RAD21: variants seen among roughly 807,000 people sequenced by gnomAD.
RAD21 encodes RAD21 cohesin complex component, also known as double-strand-break repair protein rad21 homolog.
Under a neutral mutation model 71.5 loss-of-function variants are expected in RAD21, and 18 were observed. That is an observed-to-expected ratio of 0.25 (90% CI 0.17 to 0.37). The LOEUF (loss-of-function observed/expected upper bound fraction) is 0.37. RAD21 is among the 10% of genes least tolerant of loss of function. The probability of loss-of-function intolerance (pLI) is 1.00; values close to 1 mark genes in which losing one functional copy is unlikely to be tolerated. For synonymous variants in RAD21, 248 were observed against 254.0 expected, an observed-to-expected ratio of 0.98 and a Z score of 0.22; for missense variants, 493 against 769.1, an observed-to-expected ratio of 0.64 and a Z score of 4.25.
At chr8:116,861,670 G>C (rs527798051) in intron 4 of RAD21, among the ~76,000 whole-genome samples, 171 bp downstream of exon 4, 10 of 151,744 alleles carry the variant, frequency 6.6e-5, no homozygotes, top group Non-Finnish European at 1.5e-4. Flanking sequence ...TCTTACAGAA[G>C]AACAACTTTC....
In RAD21 at chr8:116,852,688, T is replaced by C; in HGVS notation, c.1182A>G (p.Thr394=). The C allele has an allele frequency of 6.3e-7, 1 of 1,584,978 alleles. No individual in the cohort carries two copies. Among genetic ancestry groups the C allele is most frequent in the African/African-American group, 1.4e-5 (1 of 73,020 alleles). ...RLLKLFTRCL[T]PLVPEDLRKR... ...TTCTAAGGTCTTCTGGTACAAGCGGTGTAAGACAGCGTGTAAAGAGCTATT... is the reference window on the plus strand; with the variant it reads ...TTCTAAGGTCTTCTGGTACAAGCGGCGTAAGACAGCGTGTAAAGAGCTATT... Residue 394 remains threonine (T), a synonymous_variant, in exon 10 of 14, where the codon ACA becomes ACG. Coordinates refer to ENST00000297338, the MANE Select transcript of RAD21 (RefSeq NM_006265.3).
At chr8:116,863,590 C>G (rs961246715) in intron 2 of RAD21, among the ~76,000 whole-genome samples, 4 of 152,064 alleles carry the variant, frequency 2.6e-5, no homozygotes, top group Non-Finnish European at 4.4e-5. Context: ...AAGCAAATGT[C>G]CCCCACATTG....
chr8:116,857,495 AT>A, intron 5 of RAD21, 22 bp from the exon 6 acceptor site: 2 of 1,584,208 alleles, frequency 1.3e-6, no homozygotes, highest in Middle Eastern at 3.5e-4. Flanking sequence ...TTAATTTGTC[AT>A]TAGTTTAGAA....
chr8:116,863,280 A>G (rs1477990749), intron 2 of RAD21, 21 bp from the exon 3 acceptor site: 1 of 1,596,202 alleles, frequency 6.3e-7, no homozygotes, highest in African/African-American at 1.3e-5. Flanking sequence ...AACATTAATC[A>G]TATTCCAAAA....
At chr8:116,874,299 G>A (rs1343946733) in intron 1 of RAD21, 4 of 152,622 alleles carry the variant, frequency 2.6e-5, no homozygotes, top group African/African-American at 4.8e-5. Context: ...CCTGGGGGAC[G>A]TGAGATGGAC....
chr8:116,859,269 G>A (rs1349014394), intron 4 of RAD21, among the ~76,000 whole-genome samples: 1 of 152,064 alleles, frequency 6.6e-6, no homozygotes, highest in African/African-American at 2.4e-5. Context: ...CAAGTCTGTT[G>A]GTGCCATTTT....
At chr8:116,864,066 A>T (rs550378481) in intron 2 of RAD21, among the ~76,000 whole-genome samples, 5 of 152,130 alleles carry the variant, frequency 3.3e-5, no homozygotes, top group African/African-American at 1.2e-4. Flanking sequence ...TTTTCACCAG[A>T]AAATATACTC....
rs747192188 is a variant in RAD21, at chr8:116,856,197, T to C, written c.906A>G (p.Glu302=). The part of the protein sequence containing the change: ...DQTTLVPNEE[E]AFALEPIDIT... ...TATCAATAGGCTCCAATGCAAATGC[T>C]TCTTCCTCATTTGGAACAAGTGTTG... is the stretch of plus-strand genomic sequence containing the variant. Residue 302 remains glutamate (E), a synonymous_variant, in exon 8 of 14, where the codon GAA becomes GAG. Transcript: ENST00000297338. 1 of 1,609,394 alleles carries C rather than the reference T, an allele frequency of 6.2e-7. No homozygotes were observed.
At chr8:116,868,929 C>T (rs528669809) in intron 1 of RAD21, among the ~76,000 whole-genome samples, 190 of 151,352 alleles carry the variant, frequency 1.3e-3, no homozygotes, top group Non-Finnish European at 2.4e-3. Flanking sequence ...CACGCACGCA[C>T]GCACACACCC....
chr8:116,848,761 T>TAA lies in RAD21; in HGVS notation c.1704+183_1704+184dup, dbSNP rs56668650. 26,447 of 360,084 alleles carry TAA rather than the reference T, an allele frequency of 0.073. 1,517 individuals carry two copies. The highest frequency in any genetic ancestry group is 0.28 in the African/African-American group (12,095 of 43,674). 22.3% of individuals were successfully genotyped at this position (360,084 alleles called of 1,614,324 possible). A position where few individuals can be genotyped will look rare whatever the true frequency, so the allele number is the denominator to read the frequency against. ...TATTTAATTAAAACTTAAACTATAA[T>TAA]AAAAAAAAAAAAGAAAAGAAAACTC... On this transcript the variant is annotated intron_variant, in intron 13 of 13. Transcript: ENST00000297338.
intron 9 of RAD21, 145 bp downstream of exon 9, chr8:116,854,100 A>G: frequency 1.6e-6 from 1 of 625,310 alleles, no homozygotes; most frequent in Admixed American, 2.9e-5. Context: ...AGTTATGCCC[A>G]GTACACTGTG....
At position 116,852,550 on chromosome 8, in the gene RAD21, G is replaced by A. The variant is rs776397992; in HGVS notation, c.1320C>T (p.Ile440=). ...AGGAACTATTCCAACAGAACAAACC[G>A]ATAACATCACGCTGCTGATGCTGCT... ...QQQQHQQRDV[I]DEPIIEEPSR... The change falls in exon 10 of 14, where the codon ATC becomes ATT. Residue 440 remains isoleucine (I), a splice_region_variant and synonymous_variant. Coordinates refer to ENST00000297338, the MANE Select transcript of RAD21 (RefSeq NM_006265.3). 27 of 1,609,172 alleles carry A rather than the reference G, an allele frequency of 1.7e-5. No homozygotes were observed. Among genetic ancestry groups the A allele is most frequent in the South Asian group, 4.4e-5 (4 of 90,152 alleles).
At chr8:116,874,151 C>T (rs1279504761) in intron 1 of RAD21, 1 of 146,764 alleles carries the variant, frequency 6.8e-6, no homozygotes, top group Non-Finnish European at 1.5e-5. Context: ...GCTCCCGGGG[C>T]TGGCACCGCG....
chr8:116,846,937 G>A lies in RAD21; in HGVS notation c.*563C>T, dbSNP rs760775476. 18 of 214,768 alleles carry A rather than the reference G, an allele frequency of 8.4e-5. No individual in the cohort carries two copies. The highest frequency in any genetic ancestry group is 2.8e-4 in the East Asian group (4 of 14,384). The allele number at this position is 214,768 out of a possible 1,614,324, so 13.3% of individuals were successfully genotyped here. A position where few individuals can be genotyped will look rare whatever the true frequency, so the allele number is the denominator to read the frequency against. On this transcript the variant is annotated 3_prime_UTR_variant, in exon 14 of 14. Coordinates refer to ENST00000297338, the MANE Select transcript of RAD21 (RefSeq NM_006265.3). ...GCTATCAGTCATAACACAATTTCGCGTACACCTCTGCTCATTATGGAATTA... is the reference window on the plus strand; with the variant it reads ...GCTATCAGTCATAACACAATTTCGCATACACCTCTGCTCATTATGGAATTA...
intron 1 of RAD21, among the ~76,000 whole-genome samples, chr8:116,871,166 A>G (rs1047337969): frequency 3.3e-5 from 5 of 151,392 alleles, no homozygotes; most frequent in African/African-American, 9.7e-5. Flanking sequence ...TTTTAAGCCT[A>G]TTTTTTTTTC....
At position 116,874,622 on chromosome 8, in the gene RAD21, C is replaced by T. The variant is rs1031971346; in HGVS notation, c.-44G>A. On this transcript the variant is annotated 5_prime_UTR_variant, in exon 1 of 14. Transcript: ENST00000297338. ...GCCGAGTCTCTTACCTTGCTCTCCG[C>T]TGGGAGTTGGGCGGGCTGGGTGGCC... 10 of 294,558 alleles carry T rather than the reference C, an allele frequency of 3.4e-5. No homozygotes were observed. Among genetic ancestry groups the T allele is most frequent in the Non-Finnish European group, 6.2e-5 (10 of 160,172 alleles). 18.2% of individuals were successfully genotyped at this position (294,558 alleles called of 1,614,324 possible). A position where few individuals can be genotyped will look rare whatever the true frequency, so the allele number is the denominator to read the frequency against.
intron 9 of RAD21, among the ~76,000 whole-genome samples, chr8:116,853,827 A>AAAAC (rs200833458): frequency 3.3e-5 from 5 of 152,110 alleles, no homozygotes; most frequent in Non-Finnish European, 7.3e-5. Flanking sequence ...TATAAATGGA[A>AAAAC]AAACAAACAA....
chr8:116,863,326 C>A, intron 2 of RAD21, 67 bp from the exon 3 acceptor site: 1 of 1,510,882 alleles, frequency 6.6e-7, no homozygotes, highest in Non-Finnish European at 9.0e-7. Flanking sequence ...TTCTTTTTAT[C>A]TTTTTCCTTT....
At chr8:116,870,645 G>C (rs952451147) in intron 1 of RAD21, among the ~76,000 whole-genome samples, 1 of 152,168 alleles carries the variant, frequency 6.6e-6, no homozygotes, top group Non-Finnish European at 1.5e-5. Flanking sequence ...CAACATAGCA[G>C]CATGTTCTGA....
Sources: gnomAD v4.1 joint callset for allele counts (sites outside exome capture counted in the v4.1 genomes callset) on GRCh38, gnomAD v4.1.1 for gene constraint, MANE v1.5 for transcripts, NCBI Gene and HGNC (gene_info 2026-07-23, HGNC 2026-07-21) for gene names.